Variants in RALYL observed in about 807,000 individuals in gnomAD.
RALYL encodes RALY RNA binding protein like.
RALYL carries 29 observed loss-of-function variants against 35.1 expected under a neutral mutation model. The observed-to-expected ratio is 0.83, with a 90% confidence interval of 0.61 to 1.13. RALYL has a LOEUF of 1.13. Ranked by LOEUF, RALYL falls within the 50% of genes most tolerant of loss-of-function variation. The probability of loss-of-function intolerance (pLI) is 0.00; values close to 1 mark genes in which losing one functional copy is unlikely to be tolerated. For synonymous variants in RALYL, 120 were observed against 127.6 expected (o/e 0.94, Z 0.40); for missense variants, 359 against 360.4 (o/e 1.00, Z 0.03).
chr8:84,882,304 A>G (rs1433052908), intron 7 of RALYL, among the ~76,000 whole-genome samples: 3 of 152,014 alleles, frequency 2.0e-5, no homozygotes, highest in African/African-American at 7.2e-5. Flanking sequence ...CAGTGTTCGA[A>G]GGCAGCCCTC....
At chr8:84,800,363 G>T (rs1465879191) in intron 3 of RALYL, among the ~76,000 whole-genome samples, 1 of 152,184 alleles carries the variant, frequency 6.6e-6, no homozygotes, top group Non-Finnish European at 1.5e-5. Context: ...ACCTCAGATT[G>T]TATCATGACG....
rs909402449 is a variant in RALYL, at chr8:84,873,280, C to G, written c.572-4C>G. 2.0e-6 allele frequency: 3 copies of G among 1,514,096 alleles called. No homozygotes were observed. In the African/African-American group the frequency reaches 4.1e-5, roughly 21 times the overall value. The allele number at this position is 1,514,096 out of a possible 1,614,324, so 93.8% of individuals were successfully genotyped here. On this transcript the variant is annotated splice_polypyrimidine_tract_variant and splice_region_variant and intron_variant, in intron 6 of 8. Coordinates refer to ENST00000521268, the MANE Select transcript of RALYL (RefSeq NM_173848.7). The stretch of plus-strand genomic sequence containing the variant: ...TTGTTTTCTTCCTTCTTTCTACTTT[C>G]CAGTGAAATCAGATGAGTTACAGAC...
At chr8:84,283,771 G>T (rs79434935) in intron 1 of RALYL, among the ~76,000 whole-genome samples, 1 of 152,078 alleles carries the variant, frequency 6.6e-6, no homozygotes, top group South Asian at 2.1e-4. Context: ...TGCAGGAGGG[G>T]CAGTCAGGGT....
At chr8:84,807,725 G>A (rs1586432120) in intron 4 of RALYL, among the ~76,000 whole-genome samples, 1 of 152,142 alleles carries the variant, frequency 6.6e-6, no homozygotes, top group South Asian at 2.1e-4. Context: ...AAGTAAGCTA[G>A]TATTGCATTA....
chr8:84,207,105 T>C (rs945601880), intron 1 of RALYL, among the ~76,000 whole-genome samples: 18 of 152,076 alleles, frequency 1.2e-4, no homozygotes, highest in Admixed American at 6.6e-5. Context: ...GAAAACAGTA[T>C]GGAGATTACC....
intron 1 of RALYL, among the ~76,000 whole-genome samples, chr8:84,251,810 G>GT (rs1417392711): frequency 5.3e-5 from 8 of 150,588 alleles, no homozygotes; most frequent in South Asian, 2.1e-4. Context: ...TATTACATTT[G>GT]TTTTTTTCTT....
intron 1 of RALYL, among the ~76,000 whole-genome samples, chr8:84,497,026 T>G (rs2056107410): frequency 1.3e-5 from 2 of 152,168 alleles, no homozygotes; most frequent in Non-Finnish European, 2.9e-5. Flanking sequence ...GCTTGAGTAC[T>G]CAATATTCTA....
intron 1 of RALYL, among the ~76,000 whole-genome samples, chr8:84,443,398 C>A (rs1315092741): frequency 6.6e-6 from 1 of 152,078 alleles, no homozygotes; most frequent in Non-Finnish European, 1.5e-5. Flanking sequence ...TTTTTATTTT[C>A]AGTTAATGTT....
chr8:84,390,970 T>A (rs1860547718), intron 1 of RALYL, among the ~76,000 whole-genome samples: 1 of 151,972 alleles, frequency 6.6e-6, no homozygotes, highest in South Asian at 2.1e-4. Flanking sequence ...CACATGTCAG[T>A]TTGTTTCAGA....
chr8:84,620,626 A>G (rs534686674), intron 2 of RALYL, among the ~76,000 whole-genome samples: 2 of 152,106 alleles, frequency 1.3e-5, no homozygotes, highest in South Asian at 2.1e-4. Context: ...GTTTTGTTCC[A>G]TTGCTGGTGA....
At chr8:84,346,169 T>G in intron 1 of RALYL, 1 of 575,762 alleles carries the variant, frequency 1.7e-6, no homozygotes, top group Non-Finnish European at 2.2e-6. Context: ...TCAACAAATG[T>G]TTGAATAAAA....
chr8:84,540,094 G>T (rs185232207), intron 2 of RALYL, among the ~76,000 whole-genome samples: 25 of 151,458 alleles, frequency 1.7e-4, no homozygotes, highest in Non-Finnish European at 3.4e-4. Flanking sequence ...CTAAAATCAC[G>T]TATTAATTTT....
In RALYL at chr8:84,478,922, T is replaced by TAAAAAAAAAAAAAA. The variant is rs1587656659; in HGVS notation, c.-23-50372_-23-50371insAAAAAAAAAAAAAA. On this transcript the variant is annotated intron_variant, in intron 1 of 8. Coordinates refer to ENST00000521268, the MANE Select transcript of RALYL (RefSeq NM_173848.7). ...TAACACCGTGAAACCCCGTCTCTAC[T>TAAAAAAAAAAAAAA]AAAAATACAAAACATTAGCCGGGCA... Among the ~76,000 whole-genome samples the TAAAAAAAAAAAAAA allele has an allele frequency of 1.2e-3, 100 of 85,208 alleles. 4 individuals are homozygous for TAAAAAAAAAAAAAA. The highest frequency in any genetic ancestry group is 1.7e-3 in the Non-Finnish European group (62 of 37,396). 55.9% of individuals were successfully genotyped at this position (85,208 alleles called of 152,430 possible).
chr8:84,500,477 A>T (rs2056535785), intron 1 of RALYL, among the ~76,000 whole-genome samples: 1 of 152,174 alleles, frequency 6.6e-6, no homozygotes, highest in African/African-American at 2.4e-5. Context: ...TCAATGTCCT[A>T]GTATGAATGG....
At chr8:84,569,256 T>C (rs1039035711) in intron 2 of RALYL, among the ~76,000 whole-genome samples, 4 of 152,056 alleles carry the variant, frequency 2.6e-5, no homozygotes, top group Non-Finnish European at 4.4e-5. Flanking sequence ...AGTTTCAGCT[T>C]TCTACATATG....
intron 4 of RALYL, among the ~76,000 whole-genome samples, 163 bp downstream of exon 4, chr8:84,804,965 C>G (rs754185729): frequency 2.6e-5 from 4 of 152,048 alleles, no homozygotes; most frequent in Non-Finnish European, 4.4e-5. Flanking sequence ...CTAAAATGCT[C>G]CCTAGGTTGT....
chr8:84,677,064 T>C (rs1834362536), intron 2 of RALYL, among the ~76,000 whole-genome samples: 1 of 152,146 alleles, frequency 6.6e-6, no homozygotes, highest in South Asian at 2.1e-4. Context: ...CCTCCCAAAG[T>C]GCTGGGATTA....
chr8:84,503,847 G>C (rs568364921), intron 1 of RALYL, among the ~76,000 whole-genome samples: 4 of 147,258 alleles, frequency 2.7e-5, no homozygotes, highest in Non-Finnish European at 4.5e-5. Flanking sequence ...CTAGGCAACA[G>C]AGCAAGACTC....
chr8:84,817,171 T>TGTA (rs1827518770), intron 4 of RALYL, among the ~76,000 whole-genome samples: 1 of 152,162 alleles, frequency 6.6e-6, no homozygotes, highest in Non-Finnish European at 1.5e-5. Context: ...TGCTAACAGC[T>TGTA]GTAGTTCACG....
Sources: allele counts gnomAD v4.1 joint callset (sites outside exome capture counted in the v4.1 genomes callset), GRCh38; gene constraint gnomAD v4.1.1; transcripts MANE v1.5; gene names NCBI Gene and HGNC (gene_info 2026-07-23, HGNC 2026-07-21).